Variants in CHD4 observed in about 807,000 individuals in gnomAD.
CHD4 encodes chromodomain helicase DNA binding protein 4.
A neutral mutation model predicts 235.5 loss-of-function variants in CHD4; 35 were observed. That is an observed-to-expected ratio of 0.15 (90% confidence interval 0.11 to 0.20). The LOEUF is 0.20. Among genes scored for constraint, CHD4 ranks in the 10% least tolerant of loss-of-function variants. CHD4 has a pLI of 1.00. For synonymous variants in CHD4, 900 were observed against 850.2 expected, an observed-to-expected ratio of 1.06 and a Z score of -1.02; for missense variants, 1,329 against 2,432.3, an observed-to-expected ratio of 0.55 and a Z score of 9.54.
chr12:6,598,143 A>T, intron 11 of CHD4, 44 bp from the exon 12 acceptor site: 1 of 1,612,774 alleles, frequency 6.2e-7, no homozygotes, highest in Non-Finnish European at 8.5e-7. Flanking sequence ...AGCTGTGTTC[A>T]TTCCTTCTAT....
chr12:6,585,552 G>A (rs1948271423), intron 25 of CHD4, among the ~76,000 whole-genome samples: 1 of 151,886 alleles, frequency 6.6e-6, no homozygotes, highest in Non-Finnish European at 1.5e-5. Context: ...AAAGTGCTGG[G>A]ATTACAGGCG....
intron 38 of CHD4, among the ~76,000 whole-genome samples, chr12:6,572,473 G>A (rs1947992014): frequency 6.6e-6 from 1 of 151,512 alleles, no homozygotes; most frequent in Admixed American, 6.6e-5. Context: ...GCACATATTT[G>A]TAGTCCCAGC....
intron 10 of CHD4, among the ~76,000 whole-genome samples, chr12:6,599,150 T>C (rs1414412115): frequency 6.6e-6 from 1 of 152,320 alleles, no homozygotes; most frequent in East Asian, 1.9e-4. Flanking sequence ...CATTCTAAAC[T>C]GGCTGGCATG....
At chr12:6,580,900 G>C in intron 33 of CHD4, 144 bp downstream of exon 33, 1 of 840,358 alleles carries the variant, frequency 1.2e-6, no homozygotes, top group Non-Finnish European at 1.9e-6. Flanking sequence ...CCAGCTCCTC[G>C]GGAGGGTGAG....
At chr12:6,583,642 T>C (rs1425578168) in intron 25 of CHD4, 1 of 420,144 alleles carries the variant, frequency 2.4e-6, no homozygotes, top group Non-Finnish European at 4.2e-6. Flanking sequence ...AGAGACAGAA[T>C]GCTTTCTTCT....
At chr12:6,580,973 C>A in intron 33 of CHD4, 71 bp downstream of exon 33, 1 of 1,571,228 alleles carries the variant, frequency 6.4e-7, no homozygotes, top group Non-Finnish European at 8.7e-7. Flanking sequence ...CGCCACAGCA[C>A]TCCAGCCTGG....
rs1947955838 is a variant in CHD4 at position 6,570,938 on chromosome 12, C to T, written c.5652G>A (p.Arg1884=). The stretch of plus-strand genomic sequence containing the variant: ...GAATGTTACGCTCTGACATCTGTAA[C>T]CTCACAGCAACTGGGGGAATTCGGG... ...TIARIPPVAV[R]LQMSERNILS... is the part of the protein sequence containing the mutation. Residue 1884 remains arginine (R), a synonymous_variant, in exon 39 of 40, where the codon AGG becomes AGA. Coordinates refer to ENST00000544040, the MANE Select transcript of CHD4 (RefSeq NM_001273.5). 1 of 1,614,062 alleles carries T rather than the reference C, an allele frequency of 6.2e-7. No individual in the cohort carries two copies. The highest frequency in any genetic ancestry group is 8.5e-7 in the Non-Finnish European group (1 of 1,180,042).
rs1328894304 is a variant in CHD4, at chr12:6,573,641, AC to A, written c.5362-373del. Among the ~76,000 whole-genome samples, 119 of 152,184 alleles carry A rather than the reference AC, an allele frequency of 7.8e-4. 1 individual carries two copies. Among genetic ancestry groups the A allele is most frequent in the Non-Finnish European group, 1.9e-4 (13 of 68,032 alleles). ...TAGTTTTTTACATAACTGAGATCATACTATATACATACCCATATTATGTTTT... is the reference window on the plus strand; with the variant it reads ...TAGTTTTTTACATAACTGAGATCATATATATACATACCCATATTATGTTTT... On this transcript the variant is annotated intron_variant, in intron 37 of 39. Coordinates refer to ENST00000544040, the MANE Select transcript of CHD4 (RefSeq NM_001273.5).
At chr12:6,590,058 C>T (rs1948365252) in intron 22 of CHD4, 1 of 151,976 alleles carries the variant, frequency 6.6e-6, no homozygotes, top group African/African-American at 2.4e-5. Flanking sequence ...AATCTGGGCC[C>T]GTGGTGGCAC....
chr12:6,598,558 C>A, intron 10 of CHD4, 133 bp from the exon 11 acceptor site: 1 of 749,612 alleles, frequency 1.3e-6, no homozygotes, highest in Non-Finnish European at 2.1e-6. Context: ...TGCCTGAAAT[C>A]CCAGCACCTT....
chr12:6,589,638 G>A (rs1368572305), intron 22 of CHD4, among the ~76,000 whole-genome samples: 1 of 151,292 alleles, frequency 6.6e-6, no homozygotes, highest in South Asian at 2.1e-4. Flanking sequence ...GTGGTGGCGG[G>A]TGCCTGTAAT....
At chr12:6,570,771 C>G in intron 39 of CHD4, 78 bp from the exon 40 acceptor site, 1 of 1,611,094 alleles carries the variant, frequency 6.2e-7, no homozygotes, top group South Asian at 1.1e-5. Flanking sequence ...ACTGATAGGC[C>G]ACCCACCCAG....
At chr12:6,584,406 A>G (rs928451274) in intron 25 of CHD4, 2 of 152,164 alleles carry the variant, frequency 1.3e-5, no homozygotes, top group African/African-American at 4.8e-5. Flanking sequence ...ATAAATATAT[A>G]TATATTTTTT....
At chr12:6,600,176 T>C (rs1262089110) in intron 9 of CHD4, 41 bp downstream of exon 9, 1 of 1,606,994 alleles carries the variant, frequency 6.2e-7, no homozygotes, top group Non-Finnish European at 8.5e-7. Flanking sequence ...CCCACCCTTC[T>C]TCTCATGGGT....
Position 6,581,129 on chromosome 12 carries a change from A to G in CHD4, c.4824T>C (p.Val1608=), listed in dbSNP as rs548105495. Residue 1608 remains valine (V), a synonymous_variant, in exon 33 of 40, where the codon GTT becomes GTC. Transcript: ENST00000544040. The part of the protein sequence containing the change: ...PAPASEDEKV[V]VEPPEGEEKV... ...TCTCCTCTCCCTCAGGGGGTTCAACAACGACCTTTTCATCCTCTGAGGCAG... is the reference window on the plus strand; with the variant it reads ...TCTCCTCTCCCTCAGGGGGTTCAACGACGACCTTTTCATCCTCTGAGGCAG... 1.9e-6 allele frequency: 3 copies of G among 1,614,106 alleles called. No individual in the cohort carries two copies. The highest frequency in any genetic ancestry group is 3.3e-5 in the Admixed American group (2 of 60,010).
intron 2 of CHD4, among the ~76,000 whole-genome samples, chr12:6,604,462 C>T (rs1001649790): frequency 6.6e-5 from 10 of 152,074 alleles, no homozygotes; most frequent in Non-Finnish European, 1.0e-4. Context: ...TAAGACCAGG[C>T]ACAAGAACGC....
chr12:6,591,631 CT>C (rs1311923734), intron 21 of CHD4, 48 bp from the exon 22 acceptor site: 1 of 1,613,764 alleles, frequency 6.2e-7, no homozygotes, highest in South Asian at 1.1e-5. Flanking sequence ...ATGGTAATCC[CT>C]TTCCTTAGGT....
chr12:6,603,799 G>A (rs917035891), intron 2 of CHD4, among the ~76,000 whole-genome samples: 1 of 152,100 alleles, frequency 6.6e-6, no homozygotes, highest in Non-Finnish European at 1.5e-5. Context: ...AAGGCTCAGT[G>A]GACTTGTGGT....
intron 38 of CHD4, chr12:6,571,350 T>G (rs1947965187): frequency 3.5e-6 from 1 of 288,056 alleles, no homozygotes; most frequent in Non-Finnish European, 6.5e-6. Flanking sequence ...TATAACAGCA[T>G]TCTTTTCCTT....
Sources: gnomAD v4.1 joint callset for allele counts (sites outside exome capture counted in the v4.1 genomes callset) on GRCh38, gnomAD v4.1.1 for gene constraint, MANE v1.5 for transcripts, NCBI Gene and HGNC (gene_info 2026-07-23, HGNC 2026-07-21) for gene names.